PCLAF: variants seen among roughly 807,000 people sequenced by gnomAD.
PCLAF encodes the protein PCNA-associated factor.
Under a neutral mutation model 15.1 loss-of-function variants are expected in PCLAF, and 12 were observed. That is an observed-to-expected ratio of 0.79 (90% CI 0.51 to 1.29). The LOEUF is 1.29. Among genes scored for constraint, PCLAF ranks in the 50% most tolerant of loss-of-function variants. The pLI is 0.00. For synonymous variants in PCLAF, 33 were observed against 47.1 expected, an observed-to-expected ratio of 0.70 and a Z score of 1.22; for missense variants, 116 against 130.9, an observed-to-expected ratio of 0.89 and a Z score of 0.56.
intron 3 of PCLAF, chr15:64,373,556 A>G: frequency 7.3e-7 from 1 of 1,376,126 alleles, no homozygotes; most frequent in Middle Eastern, 2.7e-4. Context: ...TGTAGGCTGT[A>G]GGGCACTGTT....
exon 1 of PCLAF, chr15:64,387,486 T>C (rs1233888588): frequency 1.6e-6 from 2 of 1,284,208 alleles, no homozygotes; most frequent in Admixed American, 2.4e-5. Flanking sequence ...TTATTTTACA[T>C]AAAACCATGA....
At chr15:64,375,480 G>A (rs1450813704) in intron 3 of PCLAF, among the ~76,000 whole-genome samples, 1 of 151,564 alleles carries the variant, frequency 6.6e-6, no homozygotes, top group Admixed American at 6.6e-5. Context: ...GCGGGATCTC[G>A]GCTCACTGCA....
chr15:64,384,556 A>C (rs1167008555), upstream of PCLAF, among the ~76,000 whole-genome samples: 1 of 151,508 alleles, frequency 6.6e-6, no homozygotes, highest in Non-Finnish European at 1.5e-5. Flanking sequence ...CAGCCTGGCC[A>C]AAATGGTGAA....
intron 3 of PCLAF, among the ~76,000 whole-genome samples, chr15:64,368,706 A>G: frequency 6.6e-6 from 1 of 151,674 alleles, no homozygotes; most frequent in Non-Finnish European, 1.5e-5. Context: ...ACCTAAAGAA[A>G]TAATATAAAC....
intron 3 of PCLAF, among the ~76,000 whole-genome samples, chr15:64,371,399 G>A (rs1899307944): frequency 6.6e-6 from 1 of 152,040 alleles, no homozygotes; most frequent in East Asian, 1.9e-4. Flanking sequence ...CTGAGTAGCT[G>A]GGATTACAGG....
chr15:64,377,941 T>C (rs1209567049), intron 2 of PCLAF, among the ~76,000 whole-genome samples: 1 of 147,850 alleles, frequency 6.8e-6, no homozygotes, highest in Non-Finnish European at 1.5e-5. Flanking sequence ...TTTTGTTTTT[T>C]TGGGGGGGAG....
upstream of PCLAF, among the ~76,000 whole-genome samples, chr15:64,381,996 A>T (rs1899835955): frequency 6.6e-6 from 1 of 152,058 alleles, no homozygotes; most frequent in South Asian, 2.1e-4. Context: ...GGATGATGTG[A>T]GACTAAACAA....
intron 3 of PCLAF, chr15:64,373,912 T>C (rs1222178730): frequency 9.4e-6 from 6 of 637,566 alleles, no homozygotes; most frequent in Middle Eastern, 3.2e-4. Flanking sequence ...ACCTTATTAA[T>C]TACAAATCTA....
chr15:64,382,471 A>G (rs547468650), upstream of PCLAF: 3 of 159,304 alleles, frequency 1.9e-5, no homozygotes, highest in South Asian at 5.2e-4. Context: ...AAGAAAAGAA[A>G]AAAGAAAAGA....
chr15:64,366,744 G>A (rs1270295110), intron 3 of PCLAF, among the ~76,000 whole-genome samples: 3 of 152,030 alleles, frequency 2.0e-5, no homozygotes, highest in African/African-American at 7.3e-5. Context: ...AGGCCAAGGT[G>A]GGTGGAACAT....
At chr15:64,381,686 C>T (rs1899828379), upstream of PCLAF, among the ~76,000 whole-genome samples, 1 of 152,160 alleles carries the variant, frequency 6.6e-6, no homozygotes, top group Non-Finnish European at 1.5e-5. Flanking sequence ...CTAGTGGGTG[C>T]TAAGTTTCTG....
At chr15:64,376,711 T>C (rs1345050736) in intron 3 of PCLAF, 32 bp downstream of exon 3, 1 of 1,573,288 alleles carries the variant, frequency 6.4e-7, no homozygotes, top group Admixed American at 1.8e-5. Flanking sequence ...GAGATAAATA[T>C]TTTCTTTATA....
chr15:64,369,833 C>G (rs1022681183), intron 3 of PCLAF, among the ~76,000 whole-genome samples: 5 of 152,046 alleles, frequency 3.3e-5, no homozygotes, highest in African/African-American at 1.2e-4. Flanking sequence ...AAAATCCATT[C>G]CAAACACAAT....
chr15:64,381,718 TAGAA>T, upstream of PCLAF, among the ~76,000 whole-genome samples: 1 of 152,196 alleles, frequency 6.6e-6, no homozygotes, highest in South Asian at 2.1e-4. Flanking sequence ...TGAGCCTGCT[TAGAA>T]AAGAAAACCT....
upstream of PCLAF, among the ~76,000 whole-genome samples, chr15:64,384,677 G>T (rs1182792170): frequency 6.6e-6 from 1 of 150,858 alleles, no homozygotes; most frequent in East Asian, 2.0e-4. Context: ...GGGAGGTGGA[G>T]GTTGCAGTGA....
At chr15:64,366,160 C>A in intron 3 of PCLAF, 85 bp from the exon 4 acceptor site, 1 of 954,394 alleles carries the variant, frequency 1.0e-6, no homozygotes, top group South Asian at 1.6e-5. Flanking sequence ...AAATCAGGAA[C>A]ATTAATTAAC....
At chr15:64,371,032 A>AATCTCGGC (rs1899290325) in intron 3 of PCLAF, among the ~76,000 whole-genome samples, 1 of 147,148 alleles carries the variant, frequency 6.8e-6, no homozygotes, top group Non-Finnish European at 1.5e-5. Flanking sequence ...GCAGTAGCGC[A>AATCTCGGC]ATCTCGGCTC....
At chr15:64,384,225 C>G (rs115763379), upstream of PCLAF, among the ~76,000 whole-genome samples, 480 of 152,186 alleles carry the variant, frequency 3.2e-3, 4 homozygotes, top group African/African-American at 0.011. Flanking sequence ...ACCTCTGTCT[C>G]CCGGTTCAAG....
upstream of PCLAF, among the ~76,000 whole-genome samples, chr15:64,384,491 C>T (rs1899895121): frequency 3.3e-5 from 5 of 150,812 alleles, no homozygotes; most frequent in South Asian, 1.0e-3. Context: ...GCTTATAATC[C>T]CAGCAATTTG....
Sources: allele counts gnomAD v4.1 joint callset (sites outside exome capture counted in the v4.1 genomes callset), GRCh38; gene constraint gnomAD v4.1.1; transcripts MANE v1.5; gene names NCBI Gene and HGNC (gene_info 2026-07-23, HGNC 2026-07-21).